Variants in ARHGAP28 observed in about 807,000 individuals in gnomAD.
ARHGAP28 encodes the protein rho GTPase-activating protein 28.
A neutral mutation model predicts 90.7 loss-of-function variants in ARHGAP28; 56 were observed. The ratio of observed to expected loss-of-function variants is 0.62; its 90% CI spans 0.50 to 0.77. The LOEUF (loss-of-function observed/expected upper bound fraction) is 0.77, where lower values mean the gene tolerates loss of function less well. Among genes scored for constraint, ARHGAP28 ranks in the 30% least tolerant of loss-of-function variants. ARHGAP28 has a pLI of 0.00. For synonymous variants in ARHGAP28, 308 were observed against 323.3 expected (o/e 0.95, Z 0.51); for missense variants, 869 against 900.9 (o/e 0.96, Z 0.45).
chr18:6,852,956 G>T (rs1247298377), intron 4 of ARHGAP28, among the ~76,000 whole-genome samples: 1 of 152,166 alleles, frequency 6.6e-6, no homozygotes, highest in African/African-American at 2.4e-5. Flanking sequence ...TTGCAATAAG[G>T]TGATGCCAGG....
intron 3 of ARHGAP28, among the ~76,000 whole-genome samples, chr18:6,846,979 A>G (rs2056870708): frequency 6.6e-6 from 1 of 152,176 alleles, no homozygotes; most frequent in Non-Finnish European, 1.5e-5. Flanking sequence ...GCTCTTGGGA[A>G]CAGGGTGAGC....
intron 11 of ARHGAP28, among the ~76,000 whole-genome samples, chr18:6,883,354 T>A (rs1346145099): frequency 6.6e-6 from 1 of 151,976 alleles, no homozygotes; most frequent in Non-Finnish European, 1.5e-5. Flanking sequence ...TTCTCCTGCC[T>A]CAGCCTCCTG....
chr18:6,860,446 G>A (rs564160946), intron 5 of ARHGAP28, among the ~76,000 whole-genome samples: 1 of 152,160 alleles, frequency 6.6e-6, no homozygotes, highest in African/African-American at 2.4e-5. Flanking sequence ...CACCCCCACT[G>A]CGAATCCCCA....
chr18:6,816,959 G>T (rs1463569576), intron 1 of ARHGAP28, among the ~76,000 whole-genome samples: 1 of 151,734 alleles, frequency 6.6e-6, no homozygotes, highest in Non-Finnish European at 1.5e-5. Context: ...GTGTGGTGGT[G>T]CACACCTGTA....
chr18:6,820,951 T>TA (rs1462983282), intron 1 of ARHGAP28, among the ~76,000 whole-genome samples: 3 of 152,268 alleles, frequency 2.0e-5, no homozygotes, highest in African/African-American at 7.2e-5. Context: ...GAAACACAGA[T>TA]ATGTAGGGAG....
intron 3 of ARHGAP28, among the ~76,000 whole-genome samples, chr18:6,839,452 C>G (rs1165667831): frequency 3.3e-5 from 5 of 152,116 alleles, no homozygotes; most frequent in Non-Finnish European, 7.3e-5. Flanking sequence ...AGCCACCACG[C>G]CTGGCTAATT....
rs143797436 is a variant in ARHGAP28 at position 6,841,180 on chromosome 18, C to CCTCT, written c.543+3786_543+3789dup. On this transcript the variant is annotated intron_variant, in intron 3 of 17. Coordinates refer to ENST00000383472, the MANE Select transcript of ARHGAP28 (RefSeq NM_001366230.1). Reference sequence around the variant, plus strand: ...CTTTCTCTCTCTCCTCTCTCTCTCTCCTCTCTCTCTCTCTCTCTCTCTCCT... The same window carrying CCTCT: ...CTTTCTCTCTCTCCTCTCTCTCTCTCCTCTCTCTCTCTCTCTCTCTCTCTCTCCT... Among the ~76,000 whole-genome samples, 434 of 57,028 alleles carry CCTCT rather than the reference C, an allele frequency of 7.6e-3. 9 individuals are homozygous for CCTCT. Among genetic ancestry groups the CCTCT allele is most frequent in the Non-Finnish European group, 0.01 (332 of 31,646 alleles). The allele number at this position is 57,028 out of a possible 152,430, so 37.4% of individuals were successfully genotyped here.
At chr18:6,900,096 A>G (rs867293784) in intron 16 of ARHGAP28, among the ~76,000 whole-genome samples, 1 of 152,168 alleles carries the variant, frequency 6.6e-6, no homozygotes, top group Non-Finnish European at 1.5e-5. Context: ...ATTGGAGACA[A>G]TGAGGCAGAG....
At chr18:6,890,144 A>G in intron 13 of ARHGAP28, 59 bp downstream of exon 13, 2 of 1,584,926 alleles carry the variant, frequency 1.3e-6, no homozygotes, top group Non-Finnish European at 1.7e-6. Flanking sequence ...GGAAACATAA[A>G]GCCTCCATGA....
At chr18:6,730,003 T>A in intron 1 of ARHGAP28, 60 bp downstream of exon 1, 1 of 1,290,212 alleles carries the variant, frequency 7.8e-7, no homozygotes, top group Non-Finnish European at 9.8e-7. Flanking sequence ...GGGTTCGCCG[T>A]GCAGCTGCGC....
At chr18:6,896,721 A>C in intron 16 of ARHGAP28, 95 bp downstream of exon 16, 1 of 1,437,146 alleles carries the variant, frequency 7.0e-7, no homozygotes, top group Non-Finnish European at 9.4e-7. Flanking sequence ...CCTTTTGTAA[A>C]ATATAGAACC....
intron 1 of ARHGAP28, among the ~76,000 whole-genome samples, chr18:6,734,218 A>G (rs12967268): frequency 0.13 from 20,477 of 152,246 alleles, 1,910 homozygotes; most frequent in Non-Finnish European, 0.21. Flanking sequence ...GAGTGAGACT[A>G]TTGACAAACA....
At chr18:6,752,422 T>TC in intron 1 of ARHGAP28, among the ~76,000 whole-genome samples, 1 of 152,324 alleles carries the variant, frequency 6.6e-6, no homozygotes, top group East Asian at 1.9e-4. Flanking sequence ...TGCATCACTG[T>TC]CCTCACAAGT....
At chr18:6,817,484 T>C (rs969916641) in intron 1 of ARHGAP28, among the ~76,000 whole-genome samples, 2 of 152,152 alleles carry the variant, frequency 1.3e-5, no homozygotes, top group Admixed American at 1.3e-4. Flanking sequence ...CCAAATGACT[T>C]ATTAGAACAT....
intron 1 of ARHGAP28, among the ~76,000 whole-genome samples, chr18:6,758,954 A>G (rs1355168462): frequency 1.3e-5 from 2 of 152,228 alleles, no homozygotes; most frequent in Non-Finnish European, 2.9e-5. Flanking sequence ...ACAGATTTTT[A>G]TTAATGAGCT....
At chr18:6,778,401 A>G (rs2056300688) in intron 1 of ARHGAP28, among the ~76,000 whole-genome samples, 1 of 152,196 alleles carries the variant, frequency 6.6e-6, no homozygotes, top group Non-Finnish European at 1.5e-5. Flanking sequence ...AAGGAGAAGA[A>G]ATTGGTCATG....
intron 1 of ARHGAP28, among the ~76,000 whole-genome samples, chr18:6,773,393 A>C (rs1210787765): frequency 6.6e-6 from 1 of 152,216 alleles, no homozygotes; most frequent in Non-Finnish European, 1.5e-5. Context: ...CTGGGAAATC[A>C]GATAATGTGG....
intron 3 of ARHGAP28, among the ~76,000 whole-genome samples, chr18:6,848,038 A>G (rs1420066261): frequency 1.3e-5 from 2 of 152,166 alleles, no homozygotes; most frequent in Non-Finnish European, 2.9e-5. Context: ...TTGATCATGT[A>G]GGCACCCTCT....
At chr18:6,767,388 G>T (rs2056208002) in intron 1 of ARHGAP28, among the ~76,000 whole-genome samples, 1 of 151,840 alleles carries the variant, frequency 6.6e-6, no homozygotes, top group Admixed American at 6.6e-5. Flanking sequence ...TTTATATGTA[G>T]CCATATATTT....
Sources: gnomAD v4.1 joint callset for allele counts (sites outside exome capture counted in the v4.1 genomes callset) on GRCh38, gnomAD v4.1.1 for gene constraint, MANE v1.5 for transcripts, NCBI Gene and HGNC (gene_info 2026-07-23, HGNC 2026-07-21) for gene names.